ZSCAN31: variants seen among roughly 807,000 people sequenced by gnomAD.
ZSCAN31 encodes zinc finger and SCAN domain containing 31.
A neutral mutation model predicts 22.5 loss-of-function variants in ZSCAN31; 14 were observed. The observed-to-expected ratio is 0.62, with a 90% CI of 0.41 to 0.97. The LOEUF is 0.97. ZSCAN31 is among the 50% of genes least tolerant of loss of function. The probability of loss-of-function intolerance (pLI) is 0.00; values close to 1 mark genes in which losing one functional copy is unlikely to be tolerated. For synonymous variants in ZSCAN31, 168 were observed against 169.8 expected (o/e 0.99, Z 0.08); for missense variants, 424 against 483.4 (o/e 0.88, Z 1.15).
Position 28,333,728 on chromosome 6 carries a change from A to T in ZSCAN31, c.-96+2354T>A, listed in dbSNP as rs544963384. On this transcript the variant is annotated intron_variant, in intron 1 of 3. Coordinates refer to ENST00000344279, the MANE Select transcript of ZSCAN31 (RefSeq NM_030899.5). The surrounding 1 kb of genome is among the most constrained non-coding windows in gnomAD (Gnocchi z 4.1). ...GACAGGAAAGGAGGCTGGAGTGTCT[A>T]CAGTCATGTGGGAGAAGAGTGGCAA... is the stretch of plus-strand genomic sequence containing the variant. Among the ~76,000 whole-genome samples, 1 of 152,324 alleles carries T rather than the reference A, an allele frequency of 6.6e-6. No individual in the cohort carries two copies. The highest frequency in any genetic ancestry group is 2.4e-5 in the African/African-American group (1 of 41,582).
In ZSCAN31 at chr6:28,329,524, G is replaced by C. The variant is rs778578228; in HGVS notation, c.160C>G (p.Arg54Gly). 1 of 1,614,054 alleles carries C rather than the reference G, an allele frequency of 6.2e-7. No individual in the cohort carries two copies. Among genetic ancestry groups the C allele is most frequent in the African/African-American group, 1.3e-5 (1 of 74,924 alleles). Reference protein sequence around the residue: ...QFCYQETPGPREALSRLRELC... With the variant: ...QFCYQETPGPGEALSRLRELC... ...TCTCGGAGCCGGCTCAGAGCTTCTC[G>C]GGGACCAGGAGTCTCTTGGTAACAA... Residue 54 changes from arginine (R) to glycine (G), a missense_variant, in exon 2 of 4, where the codon CGA becomes GGA. By Grantham distance (125) the Arg-to-Gly change is moderately radical. Transcript: ENST00000344279.
rs1025017261 is a variant in ZSCAN31, at chr6:28,333,852, G to C, written c.-96+2230C>G. ...AGAAACCACTGAAGGCTTTAAGAAA[G>C]GGAGTGACAAGGCTGAATTCTGTAC... On this transcript the variant is annotated intron_variant, in intron 1 of 3. Transcript: ENST00000344279. This position sits in a 1 kb window ranked among gnomAD's most constrained non-coding sequence, Gnocchi z 4.1. Among the ~76,000 whole-genome samples the C allele has an allele frequency of 6.6e-6, 1 of 152,168 alleles. No individual in the cohort carries two copies. Among genetic ancestry groups the C allele is most frequent in the Non-Finnish European group, 1.5e-5 (1 of 68,024 alleles).
intron 2 of ZSCAN31, among the ~76,000 whole-genome samples, chr6:28,346,623 C>T (rs1764657294): frequency 6.6e-6 from 1 of 152,094 alleles, no homozygotes; most frequent in Admixed American, 6.6e-5. Flanking sequence ...TCTCAAAGTG[C>T]TGGGATTACA....
chr6:28,338,069 A>G (rs1434938085), upstream of ZSCAN31, among the ~76,000 whole-genome samples: 1 of 141,038 alleles, frequency 7.1e-6, no homozygotes, highest in Non-Finnish European at 1.5e-5. Context: ...AAATAAATAA[A>G]GAAGGAAAAA....
intron 2 of ZSCAN31, among the ~76,000 whole-genome samples, chr6:28,346,045 C>T (rs1022678335): frequency 6.6e-6 from 1 of 152,076 alleles, no homozygotes; most frequent in Admixed American, 6.6e-5. Flanking sequence ...TTCTATGTAC[C>T]CTCTTGATTC....
At chr6:28,354,762 C>T (rs1765313661), upstream of ZSCAN31, among the ~76,000 whole-genome samples, 1 of 152,240 alleles carries the variant, frequency 6.6e-6, no homozygotes, top group Admixed American at 6.5e-5. Flanking sequence ...TACTGTTTGT[C>T]CCCATACCTG....
chr6:28,326,764 CT>C lies in ZSCAN31; in HGVS notation c.622del (p.Arg208GlufsTer75), dbSNP rs1183742923. On this transcript the variant is annotated frameshift_variant, in exon 4 of 4. Transcript: ENST00000344279. LOFTEE classifies it low-confidence loss of function (END_TRUNC). ...GTACTTAGAATCCAAAGATACATCTCTTTGGAGTTTGCTATCCCCCAAATGT... is the reference window on the plus strand; with the variant it reads ...GTACTTAGAATCCAAAGATACATCTCTTGGAGTTTGCTATCCCCCAAATGT... Reference protein sequence around the residue: ...MEHLGDSKLQRDVSLDSKYRE... With the variant: ...MEHLGDSKLQXDVSLDSKYRE... 1.9e-6 allele frequency: 3 copies of C among 1,613,896 alleles called. No individual in the cohort carries two copies. Among genetic ancestry groups the C allele is most frequent in the Non-Finnish European group, 2.5e-6 (3 of 1,180,046 alleles).
At chr6:28,348,977 C>T (rs2113869980) in intron 2 of ZSCAN31, among the ~76,000 whole-genome samples, 1 of 143,480 alleles carries the variant, frequency 7.0e-6, no homozygotes, top group East Asian at 2.1e-4. Flanking sequence ...ATACATGTCT[C>T]ATATACATAG....
At chr6:28,353,875 A>C (rs779218209) in exon 2 of ZSCAN31, 1 of 456,690 alleles carries the variant, frequency 2.2e-6, no homozygotes, top group Non-Finnish European at 4.4e-6. Context: ...TGTCATGCCA[A>C]GTGTCAGGTT....
chr6:28,326,870 G>C lies in ZSCAN31; in HGVS notation c.533-16C>G, dbSNP rs772064142. ...CTTTCACCATCTGGAATAATAAATG[G>C]ACCAAACAATGTAATCTCTTTCCTT... On this transcript the variant is annotated splice_polypyrimidine_tract_variant and intron_variant, in intron 3 of 3. Coordinates refer to ENST00000344279, the MANE Select transcript of ZSCAN31 (RefSeq NM_030899.5). 8.8e-6 allele frequency: 14 copies of C among 1,582,070 alleles called. No individual in the cohort carries two copies. Among genetic ancestry groups the C allele is most frequent in the Middle Eastern group, 1.7e-4 (1 of 5,946 alleles).
chr6:28,338,553 G>T (rs953839163), upstream of ZSCAN31, among the ~76,000 whole-genome samples: 6 of 152,044 alleles, frequency 3.9e-5, no homozygotes, highest in Non-Finnish European at 8.8e-5. Context: ...AAACTCCTGT[G>T]CTCAAGCAAT....
chr6:28,338,477 C>T (rs143895554), upstream of ZSCAN31, among the ~76,000 whole-genome samples: 17 of 152,022 alleles, frequency 1.1e-4, no homozygotes, highest in African/African-American at 2.2e-4. Context: ...AATTACAAAA[C>T]GAGACAGAAC....
chr6:28,354,319 C>T (rs1448191787), upstream of ZSCAN31: 1 of 218,752 alleles, frequency 4.6e-6, no homozygotes. Flanking sequence ...CGCCTGCGTT[C>T]CAAACTCGCT....
chr6:28,326,764 C>T lies in ZSCAN31; in HGVS notation c.623G>A (p.Arg208Lys). 6.2e-7 allele frequency: 1 copy of T among 1,614,014 alleles called. No homozygotes were observed. The highest frequency in any genetic ancestry group is 1.1e-5 in the South Asian group (1 of 91,088). ...MEHLGDSKLQ[R>K]DVSLDSKYRE... ...GTACTTAGAATCCAAAGATACATCT[C>T]TTTGGAGTTTGCTATCCCCCAAATG... Residue 208 changes from arginine (R) to lysine (K), a missense_variant, in exon 4 of 4, where the codon AGA becomes AAA. Arg to Lys is a conservative substitution (Grantham distance 26). Coordinates refer to ENST00000344279, the MANE Select transcript of ZSCAN31 (RefSeq NM_030899.5).
At position 28,325,896 on chromosome 6, in the gene ZSCAN31, G is replaced by A. The variant is rs778500802; in HGVS notation, c.*270C>T. 18 of 312,118 alleles carry A rather than the reference G, an allele frequency of 5.8e-5. No individual in the cohort carries two copies. The highest frequency in any genetic ancestry group is 1.0e-4 in the Non-Finnish European group (17 of 167,832). The allele number at this position is 312,118 out of a possible 1,614,324, so 19.3% of individuals were successfully genotyped here. On this transcript the variant is annotated 3_prime_UTR_variant, in exon 4 of 4. Transcript: ENST00000344279. ...CATAAGAAATGGACCAAAGGCTAGG[G>A]AATAAGAAGGCCACCCAGCAACCCC...
At position 28,331,705 on chromosome 6, in the gene ZSCAN31, T is replaced by C. The variant is rs764554530; in HGVS notation, c.-95-1927A>G. Among the ~76,000 whole-genome samples the C allele has an allele frequency of 2.0e-5, 3 of 152,234 alleles. No individual in the cohort carries two copies. Among genetic ancestry groups the C allele is most frequent in the Non-Finnish European group, 4.4e-5 (3 of 68,044 alleles). ...AATTATGAATTTGTATTGGATTCCATTATTATTAAACATGTAGCTTCTCAT... is the reference window on the plus strand; with the variant it reads ...AATTATGAATTTGTATTGGATTCCACTATTATTAAACATGTAGCTTCTCAT... On this transcript the variant is annotated intron_variant, in intron 1 of 3. Transcript: ENST00000344279. The surrounding 1 kb of genome is among the most constrained non-coding windows in gnomAD (Gnocchi z 4.8).
At position 28,324,995 on chromosome 6, in the gene ZSCAN31, A is replaced by T. The variant is rs1409408715; in HGVS notation, c.*1171T>A. The stretch of plus-strand genomic sequence containing the variant: ...TTTAATCTTATGTACCCTATGAGGA[A>T]GGTATTGGTATCATCCTCTGTTTTA... On this transcript the variant is annotated 3_prime_UTR_variant, in exon 4 of 4. Transcript: ENST00000344279. This position sits in a 1 kb window ranked among gnomAD's most constrained non-coding sequence, Gnocchi z 4.8. The T allele has an allele frequency of 2.0e-5, 3 of 152,186 alleles. No individual in the cohort carries two copies. The highest frequency in any genetic ancestry group is 7.2e-5 in the African/African-American group (3 of 41,448). The allele number at this position is 152,186 out of a possible 1,614,324, so 9.4% of individuals were successfully genotyped here. A position where few individuals can be genotyped will look rare whatever the true frequency, so the allele number is the denominator to read the frequency against.
At chr6:28,356,247 C>T (rs1280771735), upstream of ZSCAN31, 1 of 152,254 alleles carries the variant, frequency 6.6e-6, no homozygotes, top group Non-Finnish European at 1.5e-5. Flanking sequence ...TGGAACGCTC[C>T]GGCGGGACCT....
chr6:28,329,893 A>T (rs1763612913), intron 1 of ZSCAN31, 115 bp from the exon 2 acceptor site: 1 of 556,326 alleles, frequency 1.8e-6, no homozygotes, highest in African/African-American at 1.9e-5. Context: ...ATGTATATAT[A>T]GTTACTGACT....
Sources: gnomAD v4.1 joint callset for allele counts (sites outside exome capture counted in the v4.1 genomes callset) on GRCh38, gnomAD v4.1.1 for gene constraint, Gnocchi (gnomAD v3.1) non-coding constraint, MANE v1.5 for transcripts, NCBI Gene and HGNC (gene_info 2026-07-23, HGNC 2026-07-21) for gene names.